Variants in ERC1 observed in about 807,000 individuals in gnomAD.
ERC1 encodes the protein RAB6 interacting protein 2.
A neutral mutation model predicts 132.0 loss-of-function variants in ERC1; 56 were observed. The observed-to-expected ratio is 0.42, with a 90% CI of 0.34 to 0.53. The LOEUF is 0.53. Ranked by LOEUF, ERC1 falls within the 20% of genes least tolerant of loss-of-function variation. ERC1 has a pLI of 0.03. For synonymous variants in ERC1, 478 were observed against 476.1 expected (o/e 1.00, Z -0.05); for missense variants, 1,202 against 1,349.9 (o/e 0.89, Z 1.72).
chr12:1,013,417 T>A (rs74058639), intron 1 of ERC1, among the ~76,000 whole-genome samples: 3,197 of 152,216 alleles, frequency 0.021, 115 homozygotes, highest in African/African-American at 0.073. Context: ...AACTTGATTG[T>A]AAACTGAGTT....
intron 2 of ERC1, among the ~76,000 whole-genome samples, chr12:1,055,593 A>G (rs1325383230): frequency 1.3e-5 from 2 of 152,208 alleles, no homozygotes; most frequent in East Asian, 3.8e-4. Context: ...TGTTTGGAAT[A>G]GGAAGATGCT....
In ERC1 at chr12:1,027,805, C is replaced by T; in HGVS notation, c.-99C>T. 1.8e-6 allele frequency: 2 copies of T among 1,106,932 alleles called. No individual in the cohort carries two copies. The highest frequency in any genetic ancestry group is 2.3e-5 in the Admixed American group (1 of 44,150). The allele number at this position is 1,106,932 out of a possible 1,614,324, so 68.6% of individuals were successfully genotyped here. On this transcript the variant is annotated 5_prime_UTR_variant, in exon 2 of 19. Transcript: ENST00000360905. ...AGCTGGGGACCTTCTTCTGATTAAC[C>T]TTAAACCAACTTGTAGCCATAGAGA...
At chr12:1,472,186 A>G (rs1232840337) in intron 18 of ERC1, among the ~76,000 whole-genome samples, 1 of 152,236 alleles carries the variant, frequency 6.6e-6, no homozygotes, top group South Asian at 2.1e-4. Context: ...ATGTTTTTAT[A>G]TAGATTCACT....
At chr12:1,210,493 C>A (rs1237885450) in intron 12 of ERC1, among the ~76,000 whole-genome samples, 1 of 152,130 alleles carries the variant, frequency 6.6e-6, no homozygotes, top group Admixed American at 6.5e-5. Flanking sequence ...TAGCAAAGAT[C>A]TCAAAACTAG....
intron 2 of ERC1, among the ~76,000 whole-genome samples, chr12:1,060,892 AT>A (rs151285683): frequency 0.23 from 34,383 of 150,990 alleles, 4,317 homozygotes; most frequent in Middle Eastern, 0.27. Context: ...CGCCTGGCTA[AT>A]TTTTTTTGCA....
intron 13 of ERC1, among the ~76,000 whole-genome samples, chr12:1,241,777 A>G (rs967637478): frequency 3.3e-5 from 5 of 151,236 alleles, no homozygotes; most frequent in Admixed American, 2.0e-4. Flanking sequence ...ACATAATCAC[A>G]CAGAAGTTTC....
chr12:1,359,161 G>T (rs1443797065), intron 15 of ERC1, among the ~76,000 whole-genome samples: 5 of 152,230 alleles, frequency 3.3e-5, no homozygotes, highest in African/African-American at 1.2e-4. Context: ...AGTAGGCTCA[G>T]TCGAGGCTTT....
At chr12:1,137,435 G>A (rs886838739) in intron 7 of ERC1, among the ~76,000 whole-genome samples, 13 of 151,528 alleles carry the variant, frequency 8.6e-5, no homozygotes, top group Non-Finnish European at 1.3e-4. Context: ...TATAATATGA[G>A]GTAAACTATT....
chr12:1,244,095 AT>A (rs1335310052), intron 13 of ERC1, among the ~76,000 whole-genome samples: 4 of 152,208 alleles, frequency 2.6e-5, no homozygotes, highest in Non-Finnish European at 4.4e-5. Context: ...TTTACATAAC[AT>A]ACACAATAAC....
At chr12:1,242,518 A>G (rs920414434) in intron 13 of ERC1, among the ~76,000 whole-genome samples, 2 of 152,248 alleles carry the variant, frequency 1.3e-5, no homozygotes, top group Non-Finnish European at 2.9e-5. Flanking sequence ...ACTTCAAGCC[A>G]TAAAAAGATG....
At chr12:1,252,764 C>T (rs2076547472) in intron 13 of ERC1, among the ~76,000 whole-genome samples, 1 of 152,112 alleles carries the variant, frequency 6.6e-6, no homozygotes, top group African/African-American at 2.4e-5. Flanking sequence ...TGGTGTGTAA[C>T]CAAATTCTGT....
intron 16 of ERC1, among the ~76,000 whole-genome samples, chr12:1,406,023 A>G (rs1051356843): frequency 6.6e-6 from 1 of 152,222 alleles, no homozygotes; most frequent in Non-Finnish European, 1.5e-5. Flanking sequence ...ATTTAATGAC[A>G]TGAAAAAATG....
At chr12:1,005,999 C>T (rs1409728098) in intron 1 of ERC1, among the ~76,000 whole-genome samples, 1 of 151,364 alleles carries the variant, frequency 6.6e-6, no homozygotes, top group African/African-American at 2.4e-5. Context: ...GCTCTATCGC[C>T]CAGGCTGGAG....
At chr12:1,393,838 A>AC (rs1185216433) in intron 16 of ERC1, among the ~76,000 whole-genome samples, 1 of 144,358 alleles carries the variant, frequency 6.9e-6, no homozygotes, top group East Asian at 2.1e-4. Flanking sequence ...CCACGGTGAA[A>AC]CCCCGTCTCT....
At chr12:1,240,041 A>G (rs2075691053) in intron 13 of ERC1, among the ~76,000 whole-genome samples, 1 of 152,226 alleles carries the variant, frequency 6.6e-6, no homozygotes, top group African/African-American at 2.4e-5. Flanking sequence ...AGAACCTATC[A>G]AAGACTACTG....
At chr12:1,058,285 C>A (rs998740979) in intron 2 of ERC1, among the ~76,000 whole-genome samples, 1 of 151,958 alleles carries the variant, frequency 6.6e-6, no homozygotes, top group Non-Finnish European at 1.5e-5. Context: ...AAGTGTTTCC[C>A]CTACATTTTT....
At chr12:996,767 A>C (rs568077818) in intron 1 of ERC1, among the ~76,000 whole-genome samples, 1 of 152,326 alleles carries the variant, frequency 6.6e-6, no homozygotes, top group South Asian at 2.1e-4. Context: ...AGTCTCTCCT[A>C]TCCCATCTAG....
intron 17 of ERC1, among the ~76,000 whole-genome samples, chr12:1,441,698 T>A (rs558338294): frequency 6.6e-6 from 1 of 152,190 alleles, no homozygotes; most frequent in East Asian, 1.9e-4. Flanking sequence ...ATCCCAAAGG[T>A]GATTTTTTTA....
At chr12:1,433,991 AAAAAAAAAAG>A (rs1168547088) in intron 17 of ERC1, among the ~76,000 whole-genome samples, 5 of 151,764 alleles carry the variant, frequency 3.3e-5, no homozygotes, top group Non-Finnish European at 5.9e-5. Flanking sequence ...AAAAAAAAAA[AAAAAAAAAAG>A]GTGTACTCCC....
Sources: allele counts gnomAD v4.1 joint callset (sites outside exome capture counted in the v4.1 genomes callset), GRCh38; gene constraint gnomAD v4.1.1; transcripts MANE v1.5; gene names NCBI Gene and HGNC (gene_info 2026-07-23, HGNC 2026-07-21).